PTPRD: variants seen among roughly 807,000 people sequenced by gnomAD.
The protein encoded by PTPRD is receptor-type tyrosine-protein phosphatase delta.
A neutral mutation model predicts 214.5 loss-of-function variants in PTPRD; 34 were observed. The ratio of observed to expected loss-of-function variants is 0.16; its 90% CI spans 0.12 to 0.21. The LOEUF (loss-of-function observed/expected upper bound fraction) is 0.21, where lower values mean the gene tolerates loss of function less well. PTPRD is among the 10% of genes least tolerant of loss of function. The pLI, the probability that PTPRD is intolerant of heterozygous loss-of-function variation, is 1.00. For missense variants in PTPRD, 2,545 were observed against 2,398.7 expected (o/e 1.06, Z -1.27); for synonymous variants, 1,128 against 845.7 (o/e 1.33, Z -5.79).
intron 8 of PTPRD, among the ~76,000 whole-genome samples, chr9:9,491,655 A>AT (rs2095904360): frequency 1.3e-5 from 2 of 152,194 alleles, no homozygotes; most frequent in African/African-American, 4.8e-5. Context: ...AAAGCCACTT[A>AT]TTTTTGGAAA....
At chr9:9,872,153 G>C (rs1353372596) in intron 5 of PTPRD, among the ~76,000 whole-genome samples, 2 of 152,106 alleles carry the variant, frequency 1.3e-5, no homozygotes, top group Non-Finnish European at 2.9e-5. Context: ...CAATCACCAT[G>C]TTCCCATAAA....
At chr9:9,788,762 C>T (rs1321830668) in intron 5 of PTPRD, among the ~76,000 whole-genome samples, 3 of 151,816 alleles carry the variant, frequency 2.0e-5, no homozygotes, top group Non-Finnish European at 2.9e-5. Context: ...AATGTGATAA[C>T]CAAATCTGGC....
At chr9:8,338,812 C>T in intron 43 of PTPRD, 110 bp downstream of exon 43, 1 of 997,096 alleles carries the variant, frequency 1.0e-6, no homozygotes, top group African/African-American at 1.6e-5. Context: ...AATGATTTCT[C>T]TTTGGGACAA....
chr9:10,484,101 G>A (rs913823394), intron 2 of PTPRD, among the ~76,000 whole-genome samples: 1 of 151,986 alleles, frequency 6.6e-6, no homozygotes, highest in Non-Finnish European at 1.5e-5. Context: ...ACACACCATG[G>A]AATACTGCTT....
chr9:10,170,743 A>G (rs2154297145), intron 3 of PTPRD, among the ~76,000 whole-genome samples: 1 of 152,364 alleles, frequency 6.6e-6, no homozygotes, highest in East Asian at 1.9e-4. Context: ...AACCTGTATT[A>G]TTCCAAATAC....
intron 5 of PTPRD, among the ~76,000 whole-genome samples, chr9:9,864,607 C>T (rs1181185681): frequency 6.6e-6 from 1 of 152,152 alleles, no homozygotes; most frequent in Non-Finnish European, 1.5e-5. Flanking sequence ...CAGCCTCGAT[C>T]TCTTGGGCTC....
chr9:10,417,191 A>T (rs2098499522), intron 2 of PTPRD, among the ~76,000 whole-genome samples: 1 of 151,934 alleles, frequency 6.6e-6, no homozygotes, highest in Non-Finnish European at 1.5e-5. Context: ...ATGATATTGA[A>T]GGAACATAGT....
chr9:10,300,885 T>C (rs907370444), intron 3 of PTPRD, among the ~76,000 whole-genome samples: 3 of 152,096 alleles, frequency 2.0e-5, no homozygotes, highest in African/African-American at 7.2e-5. Flanking sequence ...AAGAGAGCCA[T>C]GGCTCTCCCA....
At chr9:8,436,078 G>A (rs1474203976) in intron 35 of PTPRD, among the ~76,000 whole-genome samples, 1 of 152,138 alleles carries the variant, frequency 6.6e-6, no homozygotes, top group African/African-American at 2.4e-5. Flanking sequence ...TATCAATTTA[G>A]TATATTCTAG....
chr9:10,537,535 ATTTAC>A (rs1032159290), intron 2 of PTPRD, among the ~76,000 whole-genome samples: 12 of 152,112 alleles, frequency 7.9e-5, no homozygotes, highest in African/African-American at 2.7e-4. Flanking sequence ...GATTTTTGGT[ATTTAC>A]TTCAACTCTC....
intron 3 of PTPRD, among the ~76,000 whole-genome samples, chr9:10,087,982 T>C (rs911142527): frequency 6.6e-6 from 1 of 151,782 alleles, no homozygotes; most frequent in African/African-American, 2.4e-5. Flanking sequence ...ATCAAGCATA[T>C]TTCATGTATG....
chr9:9,044,754 A>ACTT (rs74737141), intron 10 of PTPRD, among the ~76,000 whole-genome samples: 9,843 of 152,268 alleles, frequency 0.065, 340 homozygotes, highest in Middle Eastern at 0.12. Context: ...TTTTCTCCCA[A>ACTT]CTTCTTCCCT....
intron 3 of PTPRD, among the ~76,000 whole-genome samples, chr9:10,068,455 T>A (rs180672196): frequency 6.6e-6 from 1 of 151,966 alleles, no homozygotes; most frequent in Non-Finnish European, 1.5e-5. Context: ...GTCCTTTGGA[T>A]TGGTCTGCTA....
chr9:10,271,932 C>G (rs1361405914), intron 3 of PTPRD, among the ~76,000 whole-genome samples: 2 of 151,964 alleles, frequency 1.3e-5, no homozygotes, highest in African/African-American at 4.8e-5. Flanking sequence ...AGTCTATTTT[C>G]TAAGCATTGT....
rs1279631239 is a variant in PTPRD, at chr9:9,202,106, T to C, written c.-202-18743A>G. Among the ~76,000 whole-genome samples, 4 of 152,296 alleles carry C rather than the reference T, an allele frequency of 2.6e-5. No homozygotes were observed. The East Asian group carries it at 5.8e-4, about 22-fold the overall frequency. ...ATTTGGATGGACTTTGGATAGTGTG[T>C]TGGGTAGCACACACAGAGGTGGAGA... On this transcript the variant is annotated intron_variant, in intron 9 of 45. Transcript: ENST00000381196.
intron 8 of PTPRD, among the ~76,000 whole-genome samples, chr9:9,552,742 G>C (rs1372301108): frequency 2.0e-5 from 3 of 152,026 alleles, no homozygotes; most frequent in Non-Finnish European, 2.9e-5. Flanking sequence ...CATTTTTGTG[G>C]AGCAAAATCA....
intron 11 of PTPRD, among the ~76,000 whole-genome samples, chr9:8,757,304 A>T (rs1051043970): frequency 1.3e-5 from 2 of 152,192 alleles, no homozygotes; most frequent in African/African-American, 2.4e-5. Flanking sequence ...GAAAAGCACG[A>T]TAATATGTGT....
intron 3 of PTPRD, among the ~76,000 whole-genome samples, chr9:10,131,379 A>T (rs2098881217): frequency 6.6e-6 from 1 of 152,172 alleles, no homozygotes. Context: ...TCAACAAAGT[A>T]AGAGAGTATT....
At chr9:10,558,618 T>G (rs533353233) in intron 2 of PTPRD, among the ~76,000 whole-genome samples, 1 of 152,272 alleles carries the variant, frequency 6.6e-6, no homozygotes, top group African/African-American at 2.4e-5. Context: ...GTTTTACAAT[T>G]TATGTCACTT....
Sources: gnomAD v4.1 joint callset for allele counts (sites outside exome capture counted in the v4.1 genomes callset) on GRCh38, gnomAD v4.1.1 for gene constraint, MANE v1.5 for transcripts, NCBI Gene and HGNC (gene_info 2026-07-23, HGNC 2026-07-21) for gene names.